The following AKT2 variants were observed in gnomAD, a reference collection of about 807,000 sequenced individuals.
The protein encoded by AKT2 is AKT serine/threonine kinase 2, also known as RAC-beta serine/threonine-protein kinase.
A neutral mutation model predicts 58.6 loss-of-function variants in AKT2; 16 were observed. The ratio of observed to expected loss-of-function variants is 0.27; its 90% CI spans 0.18 to 0.41. The LOEUF (loss-of-function observed/expected upper bound fraction) is 0.41. Among genes scored for constraint, AKT2 ranks in the 10% least tolerant of loss-of-function variants. AKT2 has a pLI of 1.00. For missense variants in AKT2, 438 were observed against 661.0 expected, an observed-to-expected ratio of 0.66 and a Z score of 3.70; for synonymous variants, 253 against 254.0, an observed-to-expected ratio of 1.00 and a Z score of 0.04.
chr19:40,283,429 G>A (rs1000296868), intron 1 of AKT2, among the ~76,000 whole-genome samples: 6 of 152,138 alleles, frequency 3.9e-5, no homozygotes, highest in African/African-American at 7.2e-5. Flanking sequence ...CAGAGTCGCC[G>A]CTGCCTCACA....
rs925845223 is a variant in AKT2, at chr19:40,234,683, G to A, written c.1366+362C>T. The A allele has an allele frequency of 1.6e-5, 9 of 575,372 alleles. No individual in the cohort carries two copies. Among genetic ancestry groups the A allele is most frequent in the Non-Finnish European group, 2.8e-5 (9 of 325,728 alleles). The allele number at this position is 575,372 out of a possible 1,614,324, so 35.6% of individuals were successfully genotyped here. ...CTACCTGGGCTGGGAGCTTTCCAGG[G>A]CAGGGCCCAGGGCTGGCTCAATCAG... On this transcript the variant is annotated intron_variant, in intron 13 of 13. Transcript: ENST00000392038. This position sits in a 1 kb window ranked among gnomAD's most constrained non-coding sequence, Gnocchi z 4.7.
At position 40,238,972 on chromosome 19, in the gene AKT2, G is replaced by C; in HGVS notation, c.641C>G (p.Ala214Gly). The stretch of plus-strand genomic sequence containing the variant: ...GTGGGTCTGGAAGGCATACTTCAGC[G>C]CCTGGGGGATGAAGGCAGCAGGGTG... ...LQNTRHPFLTALKYAFQTHDR... is the reference protein window; with the variant it reads ...LQNTRHPFLTGLKYAFQTHDR... Residue 214 changes from alanine (A) to glycine (G), a missense_variant and splice_region_variant, in exon 8 of 14, where the codon GCG (alanine) becomes GGG (glycine). Physicochemically the swap from Ala to Gly is moderately conservative, Grantham distance 60. Transcript: ENST00000392038. The surrounding 1 kb of genome is among the most constrained non-coding windows in gnomAD (Gnocchi z 5.1). The C allele has an allele frequency of 6.2e-7, 1 of 1,613,880 alleles. No individual in the cohort carries two copies. Among genetic ancestry groups the C allele is most frequent in the Non-Finnish European group, 8.5e-7 (1 of 1,179,912 alleles).
At chr19:40,263,058 C>A (rs1400481235) in intron 2 of AKT2, among the ~76,000 whole-genome samples, 1 of 152,234 alleles carries the variant, frequency 6.6e-6, no homozygotes, top group Non-Finnish European at 1.5e-5. Context: ...ATGACAGAGG[C>A]AGGCCTGTGG....
At chr19:40,251,593 A>G (rs1053750481) in intron 4 of AKT2, among the ~76,000 whole-genome samples, 2 of 151,700 alleles carry the variant, frequency 1.3e-5, no homozygotes, top group African/African-American at 2.4e-5. Context: ...CTTGGGGAGG[A>G]AAAAAAAAGA....
chr19:40,245,928 C>T (rs1974725314), intron 4 of AKT2, among the ~76,000 whole-genome samples: 1 of 152,060 alleles, frequency 6.6e-6, no homozygotes, highest in Non-Finnish European at 1.5e-5. Flanking sequence ...GGGCAGAGCA[C>T]GCACTGAGCC....
chr19:40,279,035 C>G (rs1016113845), intron 1 of AKT2: 1 of 152,268 alleles, frequency 6.6e-6, no homozygotes, highest in Non-Finnish European at 1.5e-5. Flanking sequence ...CGGGGAGCGG[C>G]AACTGCCCCA....
chr19:40,261,309 G>A (rs999096759), intron 2 of AKT2, among the ~76,000 whole-genome samples: 12 of 152,040 alleles, frequency 7.9e-5, no homozygotes, highest in African/African-American at 2.7e-4. Context: ...AAGGCAGGTG[G>A]ATCACCTGAG....
At chr19:40,284,691 A>C (rs1319237912) in intron 1 of AKT2, 1 of 152,648 alleles carries the variant, frequency 6.6e-6, no homozygotes, top group African/African-American at 2.4e-5. Flanking sequence ...CTACGTTCTA[A>C]GCAGGGCTCC....
In AKT2 at chr19:40,237,806, C is replaced by A; in HGVS notation, c.831+163G>T. 1 of 1,043,126 alleles carries A rather than the reference C, an allele frequency of 9.6e-7. No individual in the cohort carries two copies. The highest frequency in any genetic ancestry group is 1.5e-5 in the South Asian group (1 of 66,780). The allele number at this position is 1,043,126 out of a possible 1,614,324, so 64.6% of individuals were successfully genotyped here. On this transcript the variant is annotated intron_variant, in intron 9 of 13. Coordinates refer to ENST00000392038, the MANE Select transcript of AKT2 (RefSeq NM_001626.6). The surrounding 1 kb of genome is among the most constrained non-coding windows in gnomAD (Gnocchi z 4.5). ...GCCTGGTGAATGAGGGCAGCCACCA[C>A]CCTGGACCTTGGTGGGGAGCCTGGC...
chr19:40,284,030 C>G lies in AKT2; in HGVS notation c.-85+1151G>C, dbSNP rs1028739029. On this transcript the variant is annotated intron_variant, in intron 1 of 13. Transcript: ENST00000392038. ...CATCCACTGCCAACCAAGTTCAGCC[C>G]ACGAGTGAACTCCTGCTGCTTCTCT... Among the ~76,000 whole-genome samples the G allele has an allele frequency of 3.3e-5, 5 of 152,208 alleles. 1 individual carries two copies. The South Asian group carries it at 6.2e-4, about 19-fold the overall frequency.
intron 1 of AKT2, among the ~76,000 whole-genome samples, chr19:40,276,027 A>G (rs1220264440): frequency 1.3e-5 from 2 of 151,110 alleles, no homozygotes; most frequent in African/African-American, 4.9e-5. Context: ...AAAAAAAAAA[A>G]GTCCATACAT....
intron 4 of AKT2, among the ~76,000 whole-genome samples, chr19:40,248,410 A>T (rs185962325): frequency 6.6e-6 from 1 of 152,314 alleles, no homozygotes; most frequent in East Asian, 1.9e-4. Context: ...CCTCAAGGGG[A>T]GGACAAGTGT....
At chr19:40,284,215 G>C (rs559239277) in intron 1 of AKT2, among the ~76,000 whole-genome samples, 3 of 152,108 alleles carry the variant, frequency 2.0e-5, no homozygotes, top group African/African-American at 4.8e-5. Flanking sequence ...CTGGGGGGAA[G>C]AGGTGTTCCC....
rs890049654 is a variant in AKT2 at position 40,255,407 on chromosome 19, C to T, written c.176-138G>A. The T allele has an allele frequency of 4.5e-6, 3 of 661,920 alleles. No homozygotes were observed. In the African/African-American group the frequency reaches 5.3e-5, roughly 12 times the overall value. 41.0% of individuals were successfully genotyped at this position (661,920 alleles called of 1,614,324 possible). On this transcript the variant is annotated intron_variant, in intron 3 of 13. Coordinates refer to ENST00000392038, the MANE Select transcript of AKT2 (RefSeq NM_001626.6). ...GGGACACTCTAGGGACTGAGACAGC[C>T]CTGGTCCTGTTCTCACAGGGCTCAG...
At chr19:40,255,027 AC>A (rs888190436) in intron 4 of AKT2, 130 bp downstream of exon 4, 3 of 714,696 alleles carry the variant, frequency 4.2e-6, no homozygotes, top group South Asian at 2.9e-5. Context: ...AGCTGGAGAG[AC>A]CCCCCAACCA....
chr19:40,283,505 T>C (rs1555780028), intron 1 of AKT2, among the ~76,000 whole-genome samples: 1 of 152,236 alleles, frequency 6.6e-6, no homozygotes, highest in Non-Finnish European at 1.5e-5. Flanking sequence ...AAGTCACTGC[T>C]GCGGACTAGG....
chr19:40,260,123 G>A (rs887831804), intron 2 of AKT2, among the ~76,000 whole-genome samples: 6 of 152,036 alleles, frequency 3.9e-5, no homozygotes, highest in African/African-American at 1.2e-4. Flanking sequence ...CTGCACTCCA[G>A]CATGGGAGAC....
In AKT2 at chr19:40,230,832, C is replaced by T. The variant is rs565479457; in HGVS notation, c.*3040G>A. The T allele has an allele frequency of 5.3e-6, 1 of 190,172 alleles. No homozygotes were observed. Among genetic ancestry groups the T allele is most frequent in the East Asian group, 8.3e-5 (1 of 11,988 alleles). The allele number at this position is 190,172 out of a possible 1,614,324, so 11.8% of individuals were successfully genotyped here. A position where few individuals can be genotyped will look rare whatever the true frequency, so the allele number is the denominator to read the frequency against. ...CTGGGCTCAAGTGATCTTCCCACCT[C>T]ACCTCAGCCTTCCAAGTTAGCTGGG... On this transcript the variant is annotated 3_prime_UTR_variant, in exon 14 of 14. Coordinates refer to ENST00000392038, the MANE Select transcript of AKT2 (RefSeq NM_001626.6).
Position 40,231,589 on chromosome 19 carries a change from A to C in AKT2, c.*2283T>G, listed in dbSNP as rs529712450. ...CACCTTGCGGCAAAATCTCAAATTC[A>C]TCTGTGCCAGGCCCTCTGCACAGCA... On this transcript the variant is annotated 3_prime_UTR_variant, in exon 14 of 14. Coordinates refer to ENST00000392038, the MANE Select transcript of AKT2 (RefSeq NM_001626.6). 9.4e-5 allele frequency: 22 copies of C among 233,324 alleles called. No homozygotes were observed. Among genetic ancestry groups the C allele is most frequent in the African/African-American group, 4.4e-4 (20 of 45,470 alleles). 14.5% of individuals were successfully genotyped at this position (233,324 alleles called of 1,614,324 possible). A position where few individuals can be genotyped will look rare whatever the true frequency, so the allele number is the denominator to read the frequency against.
Sources: gnomAD v4.1 joint callset for allele counts (sites outside exome capture counted in the v4.1 genomes callset) on GRCh38, gnomAD v4.1.1 for gene constraint, Gnocchi (gnomAD v3.1) non-coding constraint, MANE v1.5 for transcripts, NCBI Gene and HGNC (gene_info 2026-07-23, HGNC 2026-07-21) for gene names.